TNRC6C: variants seen among roughly 807,000 people sequenced by gnomAD.
TNRC6C encodes trinucleotide repeat-containing gene 6C protein.
In TNRC6C, 20 loss-of-function variants were observed where a neutral mutation model predicts 153.7. The ratio of observed to expected loss-of-function variants is 0.13; its 90% CI spans 0.09 to 0.19. The LOEUF (loss-of-function observed/expected upper bound fraction) is 0.19. Among genes scored for constraint, TNRC6C ranks in the 10% least tolerant of loss-of-function variants. The pLI is 1.00. For synonymous variants in TNRC6C, 811 were observed against 841.4 expected (o/e 0.96, Z 0.63); for missense variants, 1,987 against 2,172.0 (o/e 0.91, Z 1.69).
chr17:78,102,325 G>C, intron 17 of TNRC6C, 149 bp from the exon 21 acceptor site: 1 of 668,142 alleles, frequency 1.5e-6, no homozygotes, highest in Non-Finnish European at 2.5e-6. Context: ...ACCAAAGATA[G>C]CATGGGCCTC....
intron 1 of TNRC6C, among the ~76,000 whole-genome samples, chr17:77,970,585 C>T (rs1471758761): frequency 6.6e-6 from 1 of 152,080 alleles, no homozygotes; most frequent in Admixed American, 6.5e-5. Context: ...GCTTGCCCAA[C>T]CTGCAGCCCG....
chr17:78,042,779 ATGG>A (rs779548021), intron 2 of TNRC6C, among the ~76,000 whole-genome samples: 191 of 151,476 alleles, frequency 1.3e-3, no homozygotes, highest in Non-Finnish European at 2.2e-3. Flanking sequence ...GGTGGTGCTG[ATGG>A]TGGTGGTGGT....
At position 78,079,298 on chromosome 17, in the gene TNRC6C, T is replaced by G. The variant is rs2073137803; in HGVS notation, c.3211-97T>G. ...TGACAGTGGTAGGAAGTAGAAACAA[T>G]TTTGCATTCACTTGAAATAGATCAT... On this transcript the variant is annotated intron_variant, in intron 9 of 19. Coordinates refer to ENST00000301624, the Ensembl canonical transcript of TNRC6C. The surrounding 1 kb of genome is among the most constrained non-coding windows in gnomAD (Gnocchi z 4.3). 1 of 1,532,112 alleles carries G rather than the reference T, an allele frequency of 6.5e-7. No individual in the cohort carries two copies. The highest frequency in any genetic ancestry group is 8.9e-7 in the Non-Finnish European group (1 of 1,129,658). The allele number at this position is 1,532,112 out of a possible 1,614,324, so 94.9% of individuals were successfully genotyped here.
At chr17:78,084,790 A>G (rs1451090487) in intron 11 of TNRC6C, among the ~76,000 whole-genome samples, 15 of 151,660 alleles carry the variant, frequency 9.9e-5, no homozygotes. Flanking sequence ...CACCACGCCC[A>G]GCTAATTTTT....
chr17:78,037,234 G>A (rs1369188747), intron 2 of TNRC6C, among the ~76,000 whole-genome samples: 1 of 152,182 alleles, frequency 6.6e-6, no homozygotes, highest in South Asian at 2.1e-4. Flanking sequence ...CACTCGGCTT[G>A]CACAGCTCTG....
At chr17:78,093,659 TTGACCCTGAGAA>T in exon 16 of TNRC6C, 2 of 1,614,024 alleles carry the variant, frequency 1.2e-6, no homozygotes, top group Non-Finnish European at 1.7e-6. Context: ...CTGCAGAATA[TTGACCCTGAGAA>T]TGACCCTGAC....
At chr17:77,991,472 G>C (rs925437672) in intron 1 of TNRC6C, among the ~76,000 whole-genome samples, 1 of 152,200 alleles carries the variant, frequency 6.6e-6, no homozygotes, top group Non-Finnish European at 1.5e-5. Flanking sequence ...GTGTCTAGAT[G>C]TGGGCAAGTT....
chr17:78,076,109 G>A (rs992372164), intron 8 of TNRC6C, among the ~76,000 whole-genome samples: 14 of 151,940 alleles, frequency 9.2e-5, no homozygotes, highest in Admixed American at 6.6e-5. Flanking sequence ...CCAGCTACTC[G>A]GGAGGCTGAG....
chr17:77,964,387 T>C (rs935897224), intron 1 of TNRC6C, among the ~76,000 whole-genome samples: 1 of 152,234 alleles, frequency 6.6e-6, no homozygotes, highest in African/African-American at 2.4e-5. Context: ...GTTGAGTCCT[T>C]TACTAATGTG....
intron 1 of TNRC6C, among the ~76,000 whole-genome samples, chr17:78,006,667 A>G (rs2071520754): frequency 6.8e-6 from 1 of 147,548 alleles, no homozygotes; most frequent in African/African-American, 2.5e-5. Flanking sequence ...GTTTAGTACC[A>G]GCTATATTCT....
rs1443839417 is a variant in TNRC6C at position 78,099,763 on chromosome 17, C to T, written c.4501+1226C>T. On this transcript the variant is annotated intron_variant, in intron 17 of 19. Transcript: ENST00000301624. ...AAACCAATCATGCCTTCCCAGCAGT[C>T]CCCTAAAGTCTTAACTCATTTCAGC... Among the ~76,000 whole-genome samples, 3 of 152,318 alleles carry T rather than the reference C, an allele frequency of 2.0e-5. No individual in the cohort carries two copies. The East Asian group carries it at 5.8e-4, about 29-fold the overall frequency.
At chr17:77,971,682 C>T (rs1451764016) in intron 1 of TNRC6C, among the ~76,000 whole-genome samples, 1 of 152,114 alleles carries the variant, frequency 6.6e-6, no homozygotes, top group Admixed American at 6.5e-5. Context: ...TGCTTGCATT[C>T]CTTCCCACTC....
chr17:78,044,232 C>T (rs896545042), intron 2 of TNRC6C, among the ~76,000 whole-genome samples: 1 of 152,306 alleles, frequency 6.6e-6, no homozygotes, highest in Admixed American at 6.5e-5. Context: ...TTGCAAGTAA[C>T]TTCAGTTAAG....
intron 1 of TNRC6C, among the ~76,000 whole-genome samples, chr17:78,016,474 C>T (rs1244757752): frequency 2.0e-5 from 3 of 152,256 alleles, no homozygotes; most frequent in Admixed American, 2.0e-4. Context: ...ACCATTTTAA[C>T]TACTTGCTTT....
At chr17:78,052,394 G>T (rs1460440323) in intron 3 of TNRC6C, among the ~76,000 whole-genome samples, 1 of 152,194 alleles carries the variant, frequency 6.6e-6, no homozygotes, top group African/African-American at 2.4e-5. Flanking sequence ...CATGTACTAG[G>T]CTGTACTCTA....
chr17:77,984,287 G>A (rs1365082525), intron 1 of TNRC6C, among the ~76,000 whole-genome samples: 6 of 151,798 alleles, frequency 4.0e-5, no homozygotes, highest in Non-Finnish European at 8.8e-5. Context: ...TTGGGAAACC[G>A]AGGCAGGATT....
At chr17:78,041,151 G>A (rs1157257813) in intron 2 of TNRC6C, 14 of 152,322 alleles carry the variant, frequency 9.2e-5, no homozygotes, top group Admixed American at 9.2e-4. Flanking sequence ...TCGTAGAGCA[G>A]GAGAAACGGA....
chr17:78,014,917 C>T (rs1182968216), intron 1 of TNRC6C, among the ~76,000 whole-genome samples: 1 of 151,946 alleles, frequency 6.6e-6, no homozygotes, highest in Non-Finnish European at 1.5e-5. Flanking sequence ...CTGTCTTCTG[C>T]TCGCATCTCA....
intron 17 of TNRC6C, among the ~76,000 whole-genome samples, chr17:78,100,567 T>C (rs1368328675): frequency 1.3e-5 from 2 of 152,220 alleles, no homozygotes; most frequent in Admixed American, 1.3e-4. Context: ...ACACAGCATG[T>C]GGACCCTGGG....
Sources: gnomAD v4.1 joint callset for allele counts (sites outside exome capture counted in the v4.1 genomes callset) on GRCh38, gnomAD v4.1.1 for gene constraint, Gnocchi (gnomAD v3.1) non-coding constraint, MANE v1.5 for transcripts, NCBI Gene and HGNC (gene_info 2026-07-23, HGNC 2026-07-21) for gene names.